Variants in KLF12 observed in about 807,000 individuals in gnomAD.
KLF12 encodes the protein Krueppel-like factor 12.
KLF12 carries 9 observed loss-of-function variants against 37.8 expected under a neutral mutation model. That is an observed-to-expected ratio of 0.24 (90% CI 0.14 to 0.42). The LOEUF (loss-of-function observed/expected upper bound fraction) is 0.42, where lower values mean the gene tolerates loss of function less well. Ranked by LOEUF, KLF12 falls within the 10% of genes least tolerant of loss-of-function variation. The pLI is 1.00. For synonymous variants in KLF12, 208 were observed against 202.1 expected, an observed-to-expected ratio of 1.03 and a Z score of -0.25; for missense variants, 411 against 516.0, an observed-to-expected ratio of 0.80 and a Z score of 1.97.
intron 2 of KLF12, among the ~76,000 whole-genome samples, chr13:73,966,740 C>T (rs996151979): frequency 2.6e-5 from 4 of 152,172 alleles, no homozygotes; most frequent in African/African-American, 7.2e-5. Context: ...TACCCAGCAA[C>T]GAAACCCAAT....
At chr13:73,741,947 T>C (rs1380239605) in intron 6 of KLF12, among the ~76,000 whole-genome samples, 2 of 152,172 alleles carry the variant, frequency 1.3e-5, no homozygotes, top group African/African-American at 4.8e-5. Context: ...TGTCATCTGC[T>C]ATGCATACAA....
chr13:73,808,867 C>G (rs1882783661), intron 5 of KLF12, among the ~76,000 whole-genome samples: 1 of 152,316 alleles, frequency 6.6e-6, no homozygotes, highest in Non-Finnish European at 1.5e-5. Context: ...CAGAGGCCTA[C>G]AGCAGAAAGG....
intron 1 of KLF12, among the ~76,000 whole-genome samples, chr13:74,106,057 T>G (rs1045566287): frequency 6.6e-6 from 1 of 152,164 alleles, no homozygotes; most frequent in Non-Finnish European, 1.5e-5. Context: ...CCACATTAAG[T>G]GGGAATTCAA....
chr13:73,715,539 A>G lies in KLF12; in HGVS notation c.870-14T>C. The G allele has an allele frequency of 6.2e-7, 1 of 1,612,716 alleles. No individual in the cohort carries two copies. Among genetic ancestry groups the G allele is most frequent in the Non-Finnish European group, 8.5e-7 (1 of 1,179,230 alleles). ...GGTGAAATTGAACTGGAAAAAGAAA[A>G]AGTGGAGTTACACGGTGAGATGCAC... On this transcript the variant is annotated splice_polypyrimidine_tract_variant and intron_variant, in intron 6 of 7. Transcript: ENST00000377669.
chr13:73,728,203 T>C (rs1008098793), intron 6 of KLF12, among the ~76,000 whole-genome samples: 4 of 152,256 alleles, frequency 2.6e-5, no homozygotes, highest in African/African-American at 9.6e-5. Context: ...ATAGGTATTT[T>C]CTTCTTTTTC....
the KLF12 span, among the ~76,000 whole-genome samples, chr13:74,201,654 C>T: frequency 2.1e-3 from 324 of 152,200 alleles, no homozygotes; most frequent in African/African-American, 7.0e-3. Context: ...CTACTCTTGG[C>T]GGGAACAGAT....
chr13:74,235,120 GATGT>G, the KLF12 span, among the ~76,000 whole-genome samples: 1 of 152,216 alleles, frequency 6.6e-6, no homozygotes, highest in Non-Finnish European at 1.5e-5. Context: ...CGTGAAGGCA[GATGT>G]ATCCAGAGGT....
At chr13:73,905,041 C>T (rs1888210934) in intron 3 of KLF12, among the ~76,000 whole-genome samples, 1 of 151,512 alleles carries the variant, frequency 6.6e-6, no homozygotes, top group African/African-American at 2.4e-5. Flanking sequence ...ATTTAATTTG[C>T]ATGTTTGTTT....
intron 1 of KLF12, among the ~76,000 whole-genome samples, chr13:74,082,178 A>AAAAAAAAAAAAAAAAAAAAAAC (rs1555270350): frequency 2.7e-5 from 4 of 150,700 alleles, no homozygotes; most frequent in Non-Finnish European, 4.4e-5. Context: ...AAAAAAAAAA[A>AAAAAAAAAAAAAAAAAAAAAAC]CAAAGTTAGC....
At chr13:74,282,602 G>C in the KLF12 span, among the ~76,000 whole-genome samples, 1 of 152,190 alleles carries the variant, frequency 6.6e-6, no homozygotes, top group African/African-American at 2.4e-5. Context: ...GAGAGGCTGT[G>C]TGATGGAAAT....
intron 1 of KLF12, among the ~76,000 whole-genome samples, chr13:74,112,158 C>T (rs1206153375): frequency 1.3e-5 from 2 of 151,928 alleles, no homozygotes; most frequent in Non-Finnish European, 2.9e-5. Context: ...ATAGTTTTTA[C>T]ATTTTTAAAG....
At chr13:74,116,900 T>C (rs1002577159) in intron 1 of KLF12, among the ~76,000 whole-genome samples, 3 of 152,200 alleles carry the variant, frequency 2.0e-5, no homozygotes, top group Non-Finnish European at 4.4e-5. Flanking sequence ...GGAACCAAGA[T>C]AATGAAAAGT....
intron 7 of KLF12, among the ~76,000 whole-genome samples, chr13:73,712,427 G>C (rs1875476598): frequency 6.6e-6 from 1 of 151,602 alleles, no homozygotes; most frequent in Admixed American, 6.6e-5. Context: ...GAATGAATGA[G>C]GAACTGCTTC....
chr13:73,732,020 A>G (rs1022829874), intron 6 of KLF12, among the ~76,000 whole-genome samples: 1 of 152,076 alleles, frequency 6.6e-6, no homozygotes, highest in Non-Finnish European at 1.5e-5. Flanking sequence ...AAGGAGGTAA[A>G]TATTTGGGAA....
intron 1 of KLF12, among the ~76,000 whole-genome samples, chr13:74,017,258 T>A (rs1892713687): frequency 2.2e-5 from 1 of 45,606 alleles, no homozygotes; most frequent in African/African-American, 8.8e-5. Flanking sequence ...GCCCTCAACC[T>A]AAAAAAAAAA....
chr13:73,896,989 AGGCAACAGGCC>A (rs1409058328), intron 3 of KLF12, among the ~76,000 whole-genome samples: 1 of 152,146 alleles, frequency 6.6e-6, no homozygotes, highest in African/African-American at 2.4e-5. Context: ...TGGTTTCAAG[AGGCAACAGGCC>A]GGCAAAACTA....
At chr13:74,111,020 G>T (rs2138923060) in intron 1 of KLF12, among the ~76,000 whole-genome samples, 1 of 152,134 alleles carries the variant, frequency 6.6e-6, no homozygotes, top group East Asian at 1.9e-4. Context: ...AGGCATGGTG[G>T]TGGGCGCCTG....
chr13:74,045,202 G>A (rs1324691878), intron 1 of KLF12, among the ~76,000 whole-genome samples: 1 of 152,136 alleles, frequency 6.6e-6, no homozygotes, highest in East Asian at 1.9e-4. Context: ...GGAGAAAGCT[G>A]ACAACCCCTA....
At chr13:73,912,803 A>C (rs1449747450) in intron 3 of KLF12, among the ~76,000 whole-genome samples, 1 of 152,154 alleles carries the variant, frequency 6.6e-6, no homozygotes, top group African/African-American at 2.4e-5. Flanking sequence ...TTTAAGCAAC[A>C]ACTTGGCTTT....
Sources: allele counts gnomAD v4.1 joint callset (sites outside exome capture counted in the v4.1 genomes callset), GRCh38; gene constraint gnomAD v4.1.1; transcripts MANE v1.5; gene names NCBI Gene and HGNC (gene_info 2026-07-23, HGNC 2026-07-21).